Variants in MTERF4 observed in about 807,000 individuals in gnomAD.
MTERF4 encodes mitochondrial transcription termination factor 4, also known as transcription termination factor 4, mitochondrial.
MTERF4 carries 17 observed loss-of-function variants against 22.5 expected under a neutral mutation model. The ratio of observed to expected loss-of-function variants is 0.75; its 90% CI spans 0.52 to 1.13. The LOEUF is 1.13. Ranked by LOEUF, MTERF4 falls within the 50% of genes most tolerant of loss-of-function variation. The pLI, the probability that MTERF4 is intolerant of heterozygous loss-of-function variation, is 0.00. For missense variants in MTERF4, 420 were observed against 466.8 expected (o/e 0.90, Z 0.92); for synonymous variants, 165 against 175.3 (o/e 0.94, Z 0.47).
downstream of MTERF4, chr2:241,088,578 G>A: frequency 1.6e-6 from 1 of 609,796 alleles, no homozygotes; most frequent in Admixed American, 2.9e-5. Context: ...AAGTCCCCAA[G>A]GGGAAACAGA....
At chr2:241,083,837 A>C (rs2063446908), downstream of MTERF4, among the ~76,000 whole-genome samples, 1 of 151,986 alleles carries the variant, frequency 6.6e-6, no homozygotes, top group African/African-American at 2.4e-5. Context: ...TTTTTATTGG[A>C]GTATTTAGAC....
chr2:241,074,452 C>T (rs940758355), exon 5 of MTERF4: 6 of 152,202 alleles, frequency 3.9e-5, no homozygotes, highest in Admixed American at 3.3e-4. Flanking sequence ...TGAACTAAAA[C>T]AAACATTTCA....
At chr2:241,064,070 C>T in the MTERF4 span, 275,200 of 1,566,754 alleles carry the variant, frequency 0.18, 26,345 homozygotes, top group East Asian at 0.41. The surrounding 1 kb of genome is among the most constrained non-coding windows in gnomAD (Gnocchi z 7.0). Context: ...AGAGCGGCGG[C>T]GGGGCCTACC....
downstream of MTERF4, among the ~76,000 whole-genome samples, chr2:241,083,237 C>T (rs7563717): frequency 0.037 from 5,672 of 152,206 alleles, 361 homozygotes; most frequent in African/African-American, 0.13. Context: ...GAGGGATGGA[C>T]ATTCCAGAGC....
At chr2:241,076,910 T>C (rs2063049612) in intron 4 of MTERF4, among the ~76,000 whole-genome samples, 1 of 152,124 alleles carries the variant, frequency 6.6e-6, no homozygotes. Context: ...AAACCCCGTC[T>C]CTACTAAAAA....
At chr2:241,101,309 A>C (rs991753115) in intron 1 of MTERF4, 3 of 371,378 alleles carry the variant, frequency 8.1e-6, no homozygotes, top group African/African-American at 2.1e-5. Context: ...CGCAGTTCAC[A>C]ATAGGGTTCG....
In MTERF4 at chr2:241,073,352, A is replaced by T; in HGVS notation, n.2810T>A. 6.4e-7 allele frequency: 1 copy of T among 1,570,806 alleles called. No individual in the cohort carries two copies. Among genetic ancestry groups the T allele is most frequent in the South Asian group, 1.2e-5 (1 of 85,140 alleles). ...CCTCCAGCTCCCTGAACACGGCAGC[A>T]AGGACATCGGAAGTGAGTCAGCAGC... On this transcript the variant is annotated non_coding_transcript_exon_variant, in exon 5 of 5. Coordinates refer to the MTERF4 transcript ENST00000464344. The surrounding 1 kb of genome is among the most constrained non-coding windows in gnomAD (Gnocchi z 6.6).
At chr2:241,064,947 C>T in the MTERF4 span, 1 of 1,584,058 alleles carries the variant, frequency 6.3e-7, no homozygotes, top group Non-Finnish European at 8.6e-7. This position sits in a 1 kb window ranked among gnomAD's most constrained non-coding sequence, Gnocchi z 7.0. Flanking sequence ...CGGGCGAGGA[C>T]TGCGCCAAAG....
chr2:241,073,064 C>G lies in MTERF4; in HGVS notation n.3098G>C, dbSNP rs945361222. 2.1e-5 allele frequency: 12 copies of G among 567,874 alleles called. No individual in the cohort carries two copies. Among genetic ancestry groups the G allele is most frequent in the Admixed American group, 6.0e-5 (2 of 33,072 alleles). 35.2% of individuals were successfully genotyped at this position (567,874 alleles called of 1,614,324 possible). On this transcript the variant is annotated non_coding_transcript_exon_variant, in exon 5 of 5. Transcript: ENST00000464344. This position sits in a 1 kb window ranked among gnomAD's most constrained non-coding sequence, Gnocchi z 6.6. ...CTGCAAGGGGAAGGCCGAGCCCCTCCAGAGGGTCAGCAGGAGGGTGAGGCC... is the reference window on the plus strand; with the variant it reads ...CTGCAAGGGGAAGGCCGAGCCCCTCGAGAGGGTCAGCAGGAGGGTGAGGCC...
downstream of MTERF4, chr2:241,089,487 G>T: frequency 6.7e-7 from 1 of 1,490,782 alleles, no homozygotes. Context: ...TTGGGGGAAA[G>T]GTCTGGGCCG....
Position 241,099,876 on chromosome 2 carries a change from G to A in MTERF4, c.40C>T (p.Leu14=). 6.2e-7 allele frequency: 1 copy of A among 1,612,972 alleles called. No individual in the cohort carries two copies. The highest frequency in any genetic ancestry group is 8.5e-7 in the Non-Finnish European group (1 of 1,180,026). Residue 14 remains leucine, a synonymous_variant, in exon 2 of 4, where the codon CTG becomes TTG. Transcript: ENST00000391980. Reference sequence around the variant, plus strand: ...ATACAGGCCCAGGTGAGGGGGATCAGGCGGTGCCAATCAAGGACCTGTAAG... The same window carrying A: ...ATACAGGCCCAGGTGAGGGGGATCAAGCGGTGCCAATCAAGGACCTGTAAG... ...FGRQVLDWHR[L]IPLTWACMAR... is the part of the protein sequence containing the mutation.
At chr2:241,063,153 C>T in the MTERF4 span, among the ~76,000 whole-genome samples, 1 of 152,212 alleles carries the variant, frequency 6.6e-6, no homozygotes, top group Non-Finnish European at 1.5e-5. Flanking sequence ...AGAAGGTGGG[C>T]GTCGGAGAGG....
downstream of MTERF4, chr2:241,087,414 C>A: frequency 6.2e-7 from 1 of 1,602,982 alleles, no homozygotes; most frequent in South Asian, 1.1e-5. Context: ...CTACCGAGTT[C>A]ACCAAGACAT....
the MTERF4 span, chr2:241,062,931 G>C: frequency 7.0e-7 from 1 of 1,436,002 alleles, no homozygotes; most frequent in South Asian, 1.2e-5. Context: ...CCCCGCTGGG[G>C]TGACAGCTGC....
intron 4 of MTERF4, among the ~76,000 whole-genome samples, chr2:241,076,826 T>C (rs1329047845): frequency 6.6e-6 from 1 of 152,158 alleles, no homozygotes; most frequent in African/African-American, 2.4e-5. Context: ...GCGCAGTGGC[T>C]CAGGCCTGTA....
At chr2:241,060,033 A>G in the MTERF4 span, among the ~76,000 whole-genome samples, 2 of 152,252 alleles carry the variant, frequency 1.3e-5, no homozygotes, top group Admixed American at 6.5e-5. Context: ...AGTGAATTCA[A>G]CTAGATCCCA....
the MTERF4 span, chr2:241,048,374 G>A: frequency 1.2e-6 from 2 of 1,612,052 alleles, no homozygotes; most frequent in Non-Finnish European, 1.7e-6. Context: ...GGGCACCTGT[G>A]TGGATGCGGA....
chr2:241,089,284 T>C (rs1039801583), downstream of MTERF4: 2 of 1,548,238 alleles, frequency 1.3e-6, no homozygotes, highest in Non-Finnish European at 1.7e-6. Flanking sequence ...GCCCTCACAG[T>C]TCATCTTCCT....
chr2:241,052,209 C>T, the MTERF4 span: 20 of 1,539,364 alleles, frequency 1.3e-5, no homozygotes, highest in Non-Finnish European at 1.5e-5. Context: ...ACCCTCTCTG[C>T]AGATGTGAAA....
Sources: allele counts gnomAD v4.1 joint callset (sites outside exome capture counted in the v4.1 genomes callset), GRCh38; gene constraint gnomAD v4.1.1; non-coding constraint Gnocchi (gnomAD v3.1); transcripts MANE v1.5; gene names NCBI Gene and HGNC (gene_info 2026-07-23, HGNC 2026-07-21).